Variants in SPATA13 observed in about 807,000 individuals in gnomAD.
SPATA13 encodes the protein spermatogenesis associated 13, also known as spermatogenesis-associated protein 13.
Under a neutral mutation model 104.0 loss-of-function variants are expected in SPATA13, and 50 were observed. That is an observed-to-expected ratio of 0.48 (90% CI 0.38 to 0.61). SPATA13 has a LOEUF of 0.61. Among genes scored for constraint, SPATA13 ranks in the 20% least tolerant of loss-of-function variants. The pLI, the probability that SPATA13 is intolerant of heterozygous loss-of-function variation, is 0.00. For missense variants in SPATA13, 1,524 were observed against 1,690.6 expected (o/e 0.90, Z 1.73); for synonymous variants, 606 against 667.5 (o/e 0.91, Z 1.42).
At position 24,047,775 on chromosome 13, in the gene SPATA13, T is replaced by G. The variant is rs569847500; in HGVS notation, c.-112+30074T>G. 1.1e-4 allele frequency among the ~76,000 whole-genome samples: 17 copies of G among 152,296 alleles called. No homozygotes were observed. The East Asian group carries it at 1.4e-3, about 12-fold the overall frequency. ...GGAACCAATAGAATCTGTATAGATA[T>G]ATGGAAAGAGACTTATGATGAGGGA... On this transcript the variant is annotated intron_variant, in intron 3 of 14. Transcript: ENST00000424834.
rs565846002 is a variant in SPATA13 at position 24,132,507 on chromosome 13, T to C, written c.-111-90312T>C. Among the ~76,000 whole-genome samples, 11 of 152,334 alleles carry C rather than the reference T, an allele frequency of 7.2e-5. No individual in the cohort carries two copies. The South Asian group carries it at 1.0e-3, about 14-fold the overall frequency. The stretch of plus-strand genomic sequence containing the variant: ...ACCACCTAGGACCCCAAGCCTCAAA[T>C]TGGGGGTAAACTAACTGCCAAAACA... On this transcript the variant is annotated intron_variant, in intron 3 of 14. Transcript: ENST00000424834.
intron 1 of SPATA13, among the ~76,000 whole-genome samples, chr13:24,210,766 G>GTTTTTT (rs58789886): frequency 5.8e-5 from 8 of 137,444 alleles, no homozygotes; most frequent in Non-Finnish European, 9.3e-5. Flanking sequence ...GAATTTTAGG[G>GTTTTTT]TTTTTTTTTT....
At chr13:24,106,582 A>G (rs1312523897) in intron 3 of SPATA13, among the ~76,000 whole-genome samples, 1 of 152,170 alleles carries the variant, frequency 6.6e-6, no homozygotes, top group Non-Finnish European at 1.5e-5. Flanking sequence ...CATGTACAGA[A>G]CAGCACTCGC....
chr13:24,029,270 G>A (rs1053196832), intron 3 of SPATA13, among the ~76,000 whole-genome samples: 5 of 152,276 alleles, frequency 3.3e-5, no homozygotes, highest in African/African-American at 1.2e-4. Flanking sequence ...GGGCAAAGAT[G>A]CATCTTTTAC....
rs529659242 is a variant in SPATA13 at position 24,165,047 on chromosome 13, C to T, written c.-112+4115C>T. ...TGTGGTTGTGGCCATGTGCTGTGGT[C>T]AGGATGTCAGCTTCGGTGGACACAG... On this transcript the variant is annotated intron_variant, in intron 1 of 12. Coordinates refer to ENST00000382108, the MANE Select transcript of SPATA13 (RefSeq NM_001166271.3). Among the ~76,000 whole-genome samples, 95 of 152,278 alleles carry T rather than the reference C, an allele frequency of 6.2e-4. 1 individual carries two copies. The highest frequency in any genetic ancestry group is 2.1e-3 in the African/African-American group (89 of 41,554).
intron 3 of SPATA13, among the ~76,000 whole-genome samples, chr13:24,136,253 G>C (rs1404721339): frequency 6.6e-6 from 1 of 152,146 alleles, no homozygotes; most frequent in Admixed American, 6.5e-5. Context: ...GAGGTGGGTG[G>C]ATCACCTGAG....
At chr13:24,120,086 T>A (rs1029462329) in intron 3 of SPATA13, among the ~76,000 whole-genome samples, 1 of 152,124 alleles carries the variant, frequency 6.6e-6, no homozygotes, top group African/African-American at 2.4e-5. Context: ...GGCAGATGGA[T>A]CAGGTGCAGG....
intron 3 of SPATA13, among the ~76,000 whole-genome samples, chr13:24,115,421 C>T (rs1478196771): frequency 3.9e-5 from 6 of 152,258 alleles, no homozygotes; most frequent in African/African-American, 1.2e-4. Flanking sequence ...GCTCTGCCAC[C>T]TGTCAGATCA....
At chr13:24,044,903 G>A (rs1878078176) in intron 3 of SPATA13, among the ~76,000 whole-genome samples, 1 of 143,118 alleles carries the variant, frequency 7.0e-6, no homozygotes, top group Admixed American at 6.9e-5. Flanking sequence ...GGGGGTGGGG[G>A]TAGGCAGAGT....
At chr13:24,086,826 CAG>C (rs1322439386) in intron 3 of SPATA13, among the ~76,000 whole-genome samples, 1 of 152,036 alleles carries the variant, frequency 6.6e-6, no homozygotes, top group Admixed American at 6.6e-5. Flanking sequence ...GTAGTGGCAG[CAG>C]CTGAAGCCAG....
intron 2 of SPATA13, among the ~76,000 whole-genome samples, chr13:24,233,180 A>G (rs959855361): frequency 6.6e-6 from 1 of 152,194 alleles, no homozygotes; most frequent in Admixed American, 6.5e-5. Flanking sequence ...TTTCTGACAA[A>G]AACATTACAG....
At chr13:24,037,273 A>G (rs1877723632) in intron 3 of SPATA13, among the ~76,000 whole-genome samples, 1 of 151,690 alleles carries the variant, frequency 6.6e-6, no homozygotes, top group African/African-American at 2.4e-5. Context: ...TAATGGGTGC[A>G]GCACACCAAC....
chr13:24,261,648 G>A lies in SPATA13; in HGVS notation c.2164+9786G>A, dbSNP rs1458060420. Among the ~76,000 whole-genome samples, 10 of 152,162 alleles carry A rather than the reference G, an allele frequency of 6.6e-5. No homozygotes were observed. In the South Asian group the frequency reaches 8.3e-4, roughly 13 times the overall value. On this transcript the variant is annotated intron_variant, in intron 4 of 12. Coordinates refer to ENST00000382108, the MANE Select transcript of SPATA13 (RefSeq NM_001166271.3). ...AAAAAAAGTAGCCAGGCAGGTAAGC[G>A]GTGTCCCAGATGTCAAAGGAAGCCA... is the stretch of plus-strand genomic sequence containing the variant.
chr13:24,186,772 A>AT (rs1192143069), intron 1 of SPATA13, among the ~76,000 whole-genome samples: 2 of 152,158 alleles, frequency 1.3e-5, no homozygotes, highest in African/African-American at 4.8e-5. Context: ...CAACAACGCT[A>AT]TTGAGGCGGT....
At chr13:23,979,960 C>G (rs1158724888) in intron 1 of SPATA13, 1 of 152,226 alleles carries the variant, frequency 6.6e-6, no homozygotes, top group Non-Finnish European at 1.5e-5. Flanking sequence ...TCACCTCGCC[C>G]GCACTTTTGG....
chr13:24,122,979 G>C, intron 3 of SPATA13: 2 of 813,994 alleles, frequency 2.5e-6, no homozygotes, highest in Non-Finnish European at 4.4e-6. Context: ...TCCCATAGCA[G>C]TAACTGCTTT....
intron 2 of SPATA13, among the ~76,000 whole-genome samples, chr13:23,991,369 G>T (rs1004389741): frequency 6.6e-6 from 1 of 152,164 alleles, no homozygotes; most frequent in Non-Finnish European, 1.5e-5. Flanking sequence ...TAATCAGTAT[G>T]CAGTCCAGTA....
chr13:24,081,998 G>T (rs1879536576), intron 3 of SPATA13, among the ~76,000 whole-genome samples: 1 of 152,198 alleles, frequency 6.6e-6, no homozygotes, highest in Non-Finnish European at 1.5e-5. Flanking sequence ...ACTGAGTGCT[G>T]CTGTATTGGT....
At chr13:24,178,436 T>C (rs1464615807) in intron 1 of SPATA13, among the ~76,000 whole-genome samples, 2 of 152,220 alleles carry the variant, frequency 1.3e-5, no homozygotes, top group Non-Finnish European at 2.9e-5. Flanking sequence ...CATTATCTTA[T>C]GACATCACTT....
Sources: allele counts gnomAD v4.1 joint callset (sites outside exome capture counted in the v4.1 genomes callset), GRCh38; gene constraint gnomAD v4.1.1; transcripts MANE v1.5; gene names NCBI Gene and HGNC (gene_info 2026-07-23, HGNC 2026-07-21).